Variants in PKD2 observed in about 807,000 individuals in gnomAD.
PKD2 encodes polycystin-2.
In PKD2, 48 loss-of-function variants were observed where a neutral mutation model predicts 105.9. The ratio of observed to expected loss-of-function variants is 0.45; its 90% CI spans 0.36 to 0.58. The LOEUF is 0.58. Among genes scored for constraint, PKD2 ranks in the 20% least tolerant of loss-of-function variants. The pLI is 0.00. For synonymous variants in PKD2, 464 were observed against 481.1 expected (o/e 0.96, Z 0.46); for missense variants, 1,078 against 1,255.3 (o/e 0.86, Z 2.13).
rs1726240802 is a variant in PKD2, at chr4:88,008,059, G to T, written c.326G>T (p.Gly109Val). 6.6e-7 allele frequency: 1 copy of T among 1,521,882 alleles called. No homozygotes were observed. The highest frequency in any genetic ancestry group is 8.8e-7 in the Non-Finnish European group (1 of 1,139,774). 94.3% of individuals were successfully genotyped at this position (1,521,882 alleles called of 1,614,324 possible). Residue 109 changes from glycine to valine, a missense_variant, in exon 1 of 15, where the codon GGA becomes GTA. Around this residue, in one of 2 missense-constraint regions of PKD2, gnomAD observed 210 missense variants for 187.9 expected, o/e 1.12. Transcript: ENST00000237596. ...GAGGAGGTGGAAGGGGAAGAAGGCGGAATGGTGGTGGAGATGGACGTAGAG... is the reference window on the plus strand; with the variant it reads ...GAGGAGGTGGAAGGGGAAGAAGGCGTAATGGTGGTGGAGATGGACGTAGAG... ...EEEEVEGEEG[G>V]MVVEMDVEWR...
intron 1 of PKD2, among the ~76,000 whole-genome samples, chr4:88,017,803 G>T (rs567054863): frequency 6.6e-6 from 1 of 152,288 alleles, no homozygotes; most frequent in Admixed American, 6.5e-5. Context: ...CTGTTCCTTA[G>T]TGCCTAGTTG....
intron 13 of PKD2, among the ~76,000 whole-genome samples, chr4:88,069,923 A>G (rs1438032742): frequency 3.3e-5 from 5 of 152,168 alleles, no homozygotes; most frequent in Non-Finnish European, 7.4e-5. Flanking sequence ...ATTTTTACAC[A>G]ACTGCTTTTT....
At chr4:88,071,969 G>A (rs1721051525) in intron 13 of PKD2, among the ~76,000 whole-genome samples, 1 of 149,036 alleles carries the variant, frequency 6.7e-6, no homozygotes, top group African/African-American at 2.5e-5. Context: ...AGTTTTAGAG[G>A]CCAGTCTTTT....
chr4:88,057,436 C>CTTTTTTT (rs770879919), intron 8 of PKD2, among the ~76,000 whole-genome samples: 1 of 134,366 alleles, frequency 7.4e-6, no homozygotes, highest in Non-Finnish European at 1.6e-5. Flanking sequence ...ATTGTATTTT[C>CTTTTTTT]TTTTTTTTTT....
intron 2 of PKD2, among the ~76,000 whole-genome samples, chr4:88,030,290 A>C (rs191184084): frequency 6.6e-6 from 1 of 152,090 alleles, no homozygotes; most frequent in East Asian, 1.9e-4. Context: ...GACCACAGGC[A>C]CCTACCACCC....
At chr4:88,015,960 G>T (rs1373614550) in intron 1 of PKD2, among the ~76,000 whole-genome samples, 1 of 152,166 alleles carries the variant, frequency 6.6e-6, no homozygotes, top group Non-Finnish European at 1.5e-5. Flanking sequence ...ACAGACCTGG[G>T]GTAGGAAGTG....
At chr4:88,023,341 A>T (rs1726832954) in intron 2 of PKD2, among the ~76,000 whole-genome samples, 1 of 152,122 alleles carries the variant, frequency 6.6e-6, no homozygotes, top group Non-Finnish European at 1.5e-5. Context: ...AAATGACCAG[A>T]TCGCATGAGA....
rs1465059078 is a variant in PKD2 at position 88,036,203 on chromosome 4, A to G, written c.710-17A>G. 5 of 1,613,552 alleles carry G rather than the reference A, an allele frequency of 3.1e-6. No homozygotes were observed. Among genetic ancestry groups the G allele is most frequent in the Non-Finnish European group, 4.2e-6 (5 of 1,179,824 alleles). Reference sequence around the variant, plus strand: ...CGGTTCCCTTGGGGCGTTCATTTGGATCTTTCTGTGTTCCAGTGACCTACG... The same window carrying G: ...CGGTTCCCTTGGGGCGTTCATTTGGGTCTTTCTGTGTTCCAGTGACCTACG... On this transcript the variant is annotated splice_polypyrimidine_tract_variant and intron_variant, in intron 2 of 14. Transcript: ENST00000237596.
At position 88,076,444 on chromosome 4, in the gene PKD2, C is replaced by G. The variant is rs1320567922; in HGVS notation, c.*750C>G. 6.6e-6 allele frequency: 1 copy of G among 152,096 alleles called. No homozygotes were observed. The highest frequency in any genetic ancestry group is 2.4e-5 in the African/African-American group (1 of 41,416). 9.4% of individuals were successfully genotyped at this position (152,096 alleles called of 1,614,324 possible). On this transcript the variant is annotated 3_prime_UTR_variant, in exon 15 of 15. Transcript: ENST00000237596. ...TAACACAGGAGAATTGGAAGGAGCC[C>G]TAAGTTGTCACTCAGTTTAATTTCT...
In PKD2 at chr4:88,023,433, G is replaced by A. The variant is rs555928148; in HGVS notation, c.709+3862G>A. Among the ~76,000 whole-genome samples the A allele has an allele frequency of 3.9e-5, 6 of 152,296 alleles. No individual in the cohort carries two copies. In the South Asian group the frequency reaches 8.3e-4, roughly 21 times the overall value. ...TCCACCCCCATGATCTGATCACCTC[G>A]TACCAGGCCCCGCCTTCAGCATTGG... On this transcript the variant is annotated intron_variant, in intron 2 of 14. Coordinates refer to ENST00000237596, the MANE Select transcript of PKD2 (RefSeq NM_000297.4).
At position 88,075,750 on chromosome 4, in the gene PKD2, T is replaced by C. The variant is rs1318739629; in HGVS notation, c.*56T>C. ...AAGTGAGGAAGTGGCTGTCCTGAAT[T>C]GCTGTAACAAGCACACTATTTATAT... On this transcript the variant is annotated 3_prime_UTR_variant, in exon 15 of 15. Coordinates refer to ENST00000237596, the MANE Select transcript of PKD2 (RefSeq NM_000297.4). The C allele has an allele frequency of 2.4e-6, 3 of 1,254,772 alleles. No homozygotes were observed. Among genetic ancestry groups the C allele is most frequent in the Non-Finnish European group, 3.5e-6 (3 of 861,406 alleles). 77.7% of individuals were successfully genotyped at this position (1,254,772 alleles called of 1,614,324 possible). A position where few individuals can be genotyped will look rare whatever the true frequency, so the allele number is the denominator to read the frequency against.
intron 1 of PKD2, among the ~76,000 whole-genome samples, chr4:88,008,933 C>T (rs1465136391): frequency 6.6e-6 from 1 of 152,042 alleles, no homozygotes; most frequent in Non-Finnish European, 1.5e-5. Context: ...AAAATAATAT[C>T]GTGAAGTTAT....
intron 1 of PKD2, among the ~76,000 whole-genome samples, chr4:88,018,772 A>G (rs1726648186): frequency 1.3e-5 from 2 of 152,206 alleles, no homozygotes; most frequent in South Asian, 4.1e-4. Context: ...TACTCTTTCT[A>G]CAAAGAAAGA....
At chr4:88,042,881 G>A (rs1237422784) in intron 4 of PKD2, among the ~76,000 whole-genome samples, 1 of 152,070 alleles carries the variant, frequency 6.6e-6, no homozygotes, top group Non-Finnish European at 1.5e-5. Context: ...ACCTCAAGTC[G>A]TCTAGTCCCT....
chr4:88,029,434 C>T (rs990067324), intron 2 of PKD2, among the ~76,000 whole-genome samples: 5 of 152,090 alleles, frequency 3.3e-5, no homozygotes, highest in African/African-American at 1.2e-4. Flanking sequence ...TCACAGGCCT[C>T]TCTCATTGGT....
At chr4:88,068,827 G>A (rs373214411) in intron 13 of PKD2, among the ~76,000 whole-genome samples, 1 of 152,152 alleles carries the variant, frequency 6.6e-6, no homozygotes, top group African/African-American at 2.4e-5. Flanking sequence ...TGGTATTCAC[G>A]TTTGAAAGTG....
intron 1 of PKD2, among the ~76,000 whole-genome samples, chr4:88,016,163 G>C (rs1726552556): frequency 6.6e-6 from 1 of 152,208 alleles, no homozygotes; most frequent in South Asian, 2.1e-4. Flanking sequence ...CTCACCTCCT[G>C]CTGTGGGGCC....
Position 88,073,188 on chromosome 4 carries a change from TAAAAA to T in PKD2, c.2523-1610_2523-1606del, listed in dbSNP as rs370425542. Among the ~76,000 whole-genome samples, 89 of 115,926 alleles carry T rather than the reference TAAAAA, an allele frequency of 7.7e-4. No homozygotes were observed. In the South Asian group the frequency reaches 0.012, roughly 16 times the overall value. The allele number at this position is 115,926 out of a possible 152,430, so 76.1% of individuals were successfully genotyped here. A position where few individuals can be genotyped will look rare whatever the true frequency, so the allele number is the denominator to read the frequency against. ...TAACATAGCGAGACTTTGTCTCTATTAAAAAAAAAAAAAAAAAAGGTGTAAAAAAC... is the reference window on the plus strand; with the variant it reads ...TAACATAGCGAGACTTTGTCTCTATTAAAAAAAAAAAAAGGTGTAAAAAAC... On this transcript the variant is annotated intron_variant, in intron 13 of 14. Transcript: ENST00000237596.
At chr4:88,009,150 C>A (rs1244403102) in intron 1 of PKD2, among the ~76,000 whole-genome samples, 2 of 152,206 alleles carry the variant, frequency 1.3e-5, no homozygotes, top group Non-Finnish European at 2.9e-5. Context: ...GAGGAATTTT[C>A]AAATTTGCCA....
Sources: allele counts gnomAD v4.1 joint callset (sites outside exome capture counted in the v4.1 genomes callset), GRCh38; gene constraint gnomAD v4.1.1; regional missense constraint gnomAD v4.1.1; transcripts MANE v1.5; gene names NCBI Gene and HGNC (gene_info 2026-07-23, HGNC 2026-07-21).